Variants in DDX49 observed in about 807,000 individuals in gnomAD.
DDX49 encodes probable ATP-dependent RNA helicase DDX49.
Under a neutral mutation model 56.3 loss-of-function variants are expected in DDX49, and 50 were observed. The observed-to-expected ratio is 0.89, with a 90% CI of 0.71 to 1.12. DDX49 has a LOEUF of 1.12. Ranked by LOEUF, DDX49 falls within the 50% of genes most tolerant of loss-of-function variation. The probability of loss-of-function intolerance (pLI) is 0.00; values close to 1 mark genes in which losing one functional copy is unlikely to be tolerated. For missense variants in DDX49, 614 were observed against 650.5 expected, an observed-to-expected ratio of 0.94 and a Z score of 0.61; for synonymous variants, 269 against 270.6, an observed-to-expected ratio of 0.99 and a Z score of 0.06.
At chr19:18,920,927 G>C in intron 2 of DDX49, 1 of 330,794 alleles carries the variant, frequency 3.0e-6, no homozygotes, top group Non-Finnish European at 5.6e-6. Context: ...GATCACTTGA[G>C]GCCAGGAGTT....
Position 18,927,875 on chromosome 19 carries a change from G to A in DDX49, c.1191+21G>A, listed in dbSNP as rs112973599. 812 of 1,613,978 alleles carry A rather than the reference G, an allele frequency of 5.0e-4. 2 individuals are homozygous for A. In the African/African-American group the frequency reaches 9.4e-3, roughly 19 times the overall value. Reference sequence around the variant, plus strand: ...AGATCGTGAGTGTCAGAGGCGGGCAGGAACTAAAGTGCTCTCCAGGGCCGG... The same window carrying A: ...AGATCGTGAGTGTCAGAGGCGGGCAAGAACTAAAGTGCTCTCCAGGGCCGG... On this transcript the variant is annotated intron_variant, in intron 11 of 12. Coordinates refer to ENST00000247003, the MANE Select transcript of DDX49 (RefSeq NM_019070.5).
intron 6 of DDX49, among the ~76,000 whole-genome samples, chr19:18,924,006 C>T (rs541023848): frequency 1.3e-5 from 2 of 152,066 alleles, no homozygotes; most frequent in Non-Finnish European, 2.9e-5. Context: ...TGGGGTTTTG[C>T]CATGTTGGGC....
intron 6 of DDX49, among the ~76,000 whole-genome samples, chr19:18,923,656 C>G (rs2056937001): frequency 1.3e-5 from 2 of 152,012 alleles, no homozygotes; most frequent in African/African-American, 4.8e-5. Context: ...TCCTTCTTGG[C>G]CTTCTTGGTA....
Position 18,928,427 on chromosome 19 carries a change from C to G in DDX49, c.*111C>G. 9.0e-7 allele frequency: 1 copy of G among 1,113,876 alleles called. No homozygotes were observed. Among genetic ancestry groups the G allele is most frequent in the Non-Finnish European group, 1.2e-6 (1 of 806,902 alleles). 69.0% of individuals were successfully genotyped at this position (1,113,876 alleles called of 1,614,324 possible). Reference sequence around the variant, plus strand: ...CGGGGGCCTACCCAGTGCCCCACAGCAGAACCCGTGGGCGCTCGTGTTGTG... The same window carrying G: ...CGGGGGCCTACCCAGTGCCCCACAGGAGAACCCGTGGGCGCTCGTGTTGTG... On this transcript the variant is annotated 3_prime_UTR_variant, in exon 13 of 13. Coordinates refer to ENST00000247003, the MANE Select transcript of DDX49 (RefSeq NM_019070.5).
At chr19:18,925,695 T>A (rs781576385) in intron 9 of DDX49, among the ~76,000 whole-genome samples, 40 of 152,260 alleles carry the variant, frequency 2.6e-4, no homozygotes, top group South Asian at 1.0e-3. Flanking sequence ...CACACACAGC[T>A]CCGGCCCCCA....
intron 9 of DDX49, among the ~76,000 whole-genome samples, chr19:18,926,034 C>G (rs1601255193): frequency 6.6e-6 from 1 of 152,326 alleles, no homozygotes; most frequent in South Asian, 2.1e-4. Context: ...GACTGGGTTC[C>G]CTGGCAGCCA....
At chr19:18,922,837 T>C (rs1601250975) in intron 6 of DDX49, 93 bp downstream of exon 6, 4 of 1,476,930 alleles carry the variant, frequency 2.7e-6, no homozygotes, top group Non-Finnish European at 3.7e-6. Context: ...GTCTCAGCAC[T>C]CCCCAGCCTC....
intron 6 of DDX49, among the ~76,000 whole-genome samples, chr19:18,923,095 G>A (rs896969472): frequency 6.6e-6 from 1 of 152,130 alleles, no homozygotes; most frequent in East Asian, 1.9e-4. Context: ...CACAGACAGA[G>A]ACCCCTGGGG....
chr19:18,927,730 TCCCCAC>T, intron 10 of DDX49, 30 bp from the exon 11 acceptor site: 5 of 1,561,026 alleles, frequency 3.2e-6, no homozygotes, highest in Non-Finnish European at 3.5e-6. Context: ...TCACGTCTCC[TCCCCAC>T]CCCCACCCCC....
chr19:18,926,010 G>A (rs2056957725), intron 9 of DDX49, among the ~76,000 whole-genome samples: 1 of 152,222 alleles, frequency 6.6e-6, no homozygotes, highest in South Asian at 2.1e-4. Context: ...AGGGCTAATG[G>A]CTGGCATTAC....
chr19:18,924,593 A>G (rs537184854), intron 7 of DDX49, 30 bp from the exon 8 acceptor site: 2 of 1,613,654 alleles, frequency 1.2e-6, no homozygotes, highest in South Asian at 1.1e-5. Context: ...GCCTTCATGC[A>G]TTCCCAATTT....
At position 18,922,714 on chromosome 19, in the gene DDX49, G is replaced by A. The variant is rs1226287866; in HGVS notation, c.746G>A (p.Trp249Ter). 2 of 1,613,712 alleles carry A rather than the reference G, an allele frequency of 1.2e-6. No individual in the cohort carries two copies. The highest frequency in any genetic ancestry group is 1.7e-6 in the Non-Finnish European group (2 of 1,179,994). The change falls in exon 6 of 13, where the codon TGG becomes TAG. Residue 249 changes from tryptophan to a stop codon, truncating the protein, a stop_gained. Coordinates refer to ENST00000247003, the MANE Select transcript of DDX49 (RefSeq NM_019070.5). LOFTEE classifies it high-confidence loss of function. The part of the protein sequence containing the change: ...IQRFQDEHED[W>*]SIIIFTNTCK... ...CGCTTCCAGGATGAGCACGAGGACT[G>A]GTCCATTATCATCTTCACCAACACG...
chr19:18,926,388 T>C lies in DDX49; in HGVS notation c.1102+11T>C. 7.6e-7 allele frequency: 1 copy of C among 1,317,524 alleles called. No individual in the cohort carries two copies. Among genetic ancestry groups the C allele is most frequent in the Non-Finnish European group, 1.0e-6 (1 of 996,332 alleles). 81.6% of individuals were successfully genotyped at this position (1,317,524 alleles called of 1,614,324 possible). A position where few individuals can be genotyped will look rare whatever the true frequency, so the allele number is the denominator to read the frequency against. ...TCGAGGAGCAGATCAGTGAGTGGGG[T>C]TGGGGTGGGTGGTAGAGAAGGAGGG... On this transcript the variant is annotated intron_variant, in intron 10 of 12. Coordinates refer to ENST00000247003, the MANE Select transcript of DDX49 (RefSeq NM_019070.5).
intron 7 of DDX49, 29 bp downstream of exon 7, chr19:18,924,337 C>T (rs1490162649): frequency 3.3e-6 from 5 of 1,528,808 alleles, no homozygotes. Flanking sequence ...CCGCCAGCCT[C>T]ACCCTGGGAT....
intron 10 of DDX49, among the ~76,000 whole-genome samples, chr19:18,927,217 G>A (rs2056968152): frequency 6.6e-6 from 1 of 152,052 alleles, no homozygotes; most frequent in Non-Finnish European, 1.5e-5. Context: ...GCAATGTGGA[G>A]AAACCCTGCC....
At chr19:18,923,155 T>C (rs530125355) in intron 6 of DDX49, among the ~76,000 whole-genome samples, 1 of 152,272 alleles carries the variant, frequency 6.6e-6, no homozygotes, top group Non-Finnish European at 1.5e-5. Context: ...ATTGAGAAGC[T>C]GGAGGCTCTT....
intron 2 of DDX49, 94 bp from the exon 3 acceptor site, chr19:18,921,569 G>A: frequency 2.5e-6 from 3 of 1,224,114 alleles, no homozygotes; most frequent in Non-Finnish European, 3.6e-6. Context: ...TCAGGAGCCT[G>A]GGGGCTCAGG....
Position 18,922,410 on chromosome 19 carries a change from G to T in DDX49, c.532G>T (p.Ala178Ser), listed in dbSNP as rs1293949833. The change falls in exon 5 of 13, where the codon GCC becomes TCC. Residue 178 changes from alanine to serine, a missense_variant. Ala to Ser is a moderately conservative substitution (Grantham distance 99). Coordinates refer to ENST00000247003, the MANE Select transcript of DDX49 (RefSeq NM_019070.5). ...DLEAILAAVP[A>S]RRQTLLFSAT... ...GGAGGCCATCCTGGCGGCTGTGCCGGCCCGCAGGCAGACACTGCTGTTCAG... is the reference window on the plus strand; with the variant it reads ...GGAGGCCATCCTGGCGGCTGTGCCGTCCCGCAGGCAGACACTGCTGTTCAG... 2 of 1,609,730 alleles carry T rather than the reference G, an allele frequency of 1.2e-6. No individual in the cohort carries two copies. The highest frequency in any genetic ancestry group is 1.7e-6 in the Non-Finnish European group (2 of 1,179,258).
chr19:18,928,587 C>T lies in DDX49; in HGVS notation c.*271C>T, dbSNP rs1163194866. On this transcript the variant is annotated 3_prime_UTR_variant, in exon 13 of 13. Transcript: ENST00000247003. ...ACCCAAGGTCACCCCCCAGGGGTGC[C>T]GCATACAGGAGGTGCTTAATAAACG... is the stretch of plus-strand genomic sequence containing the variant. 5.8e-5 allele frequency: 26 copies of T among 447,712 alleles called. No homozygotes were observed. The highest frequency in any genetic ancestry group is 5.7e-4 in the Middle Eastern group (1 of 1,754). The allele number at this position is 447,712 out of a possible 1,614,324, so 27.7% of individuals were successfully genotyped here. A position where few individuals can be genotyped will look rare whatever the true frequency, so the allele number is the denominator to read the frequency against.
Sources: allele counts gnomAD v4.1 joint callset (sites outside exome capture counted in the v4.1 genomes callset), GRCh38; gene constraint gnomAD v4.1.1; transcripts MANE v1.5; gene names NCBI Gene and HGNC (gene_info 2026-07-23, HGNC 2026-07-21).